The following CSMD1 variants were observed in gnomAD, a reference collection of about 807,000 sequenced individuals.
The protein encoded by CSMD1 is CUB and Sushi multiple domains 1.
In CSMD1, 213 loss-of-function variants were observed where a neutral mutation model predicts 417.5. The ratio of observed to expected loss-of-function variants is 0.51; its 90% CI spans 0.46 to 0.57. The LOEUF is 0.57. Among genes scored for constraint, CSMD1 ranks in the 20% least tolerant of loss-of-function variants. The pLI is 0.00. For missense variants in CSMD1, 6,923 were observed against 4,529.7 expected, an observed-to-expected ratio of 1.53 and a Z score of -15.17; for synonymous variants, 2,862 against 1,736.8, an observed-to-expected ratio of 1.65 and a Z score of -16.11.
chr8:4,501,780 G>A (rs112163460), intron 2 of CSMD1, among the ~76,000 whole-genome samples: 19 of 152,118 alleles, frequency 1.2e-4, no homozygotes, highest in African/African-American at 3.6e-4. Context: ...TCAAGTTGTC[G>A]TTATTTGACT....
chr8:4,212,196 T>A (rs1176908261), intron 3 of CSMD1, among the ~76,000 whole-genome samples: 2 of 147,274 alleles, frequency 1.4e-5, no homozygotes, highest in African/African-American at 2.6e-5. Context: ...ATATATATAT[T>A]ATTTTCTCTC....
intron 5 of CSMD1, among the ~76,000 whole-genome samples, chr8:3,783,465 G>T (rs890215381): frequency 6.6e-6 from 1 of 152,172 alleles, no homozygotes; most frequent in Non-Finnish European, 1.5e-5. Flanking sequence ...CAGAAGCATT[G>T]GCGGGCTGTG....
intron 3 of CSMD1, among the ~76,000 whole-genome samples, chr8:4,337,581 T>C (rs1301320960): frequency 6.6e-6 from 1 of 152,174 alleles, no homozygotes; most frequent in Non-Finnish European, 1.5e-5. Flanking sequence ...ATATCAATTC[T>C]TCAAACTCAA....
chr8:4,813,465 C>A (rs962972724), intron 1 of CSMD1, among the ~76,000 whole-genome samples: 4 of 152,084 alleles, frequency 2.6e-5, no homozygotes, highest in African/African-American at 9.7e-5. Flanking sequence ...TACAACAGAA[C>A]GTATCAAAAA....
intron 54 of CSMD1, among the ~76,000 whole-genome samples, chr8:2,983,449 G>C (rs1304248228): frequency 2.0e-5 from 3 of 152,164 alleles, no homozygotes; most frequent in African/African-American, 7.2e-5. Context: ...GCCTCCCAAA[G>C]TGCCGGGATT....
intron 1 of CSMD1, among the ~76,000 whole-genome samples, chr8:4,709,209 C>A (rs1313802443): frequency 6.6e-6 from 1 of 152,062 alleles, no homozygotes; most frequent in Non-Finnish European, 1.5e-5. Context: ...AGGAATTCCT[C>A]GATGGTAGAA....
intron 5 of CSMD1, among the ~76,000 whole-genome samples, chr8:3,875,533 G>C (rs1437195355): frequency 6.6e-6 from 1 of 152,114 alleles, no homozygotes; most frequent in African/African-American, 2.4e-5. Flanking sequence ...CAGCCGGCAT[G>C]GAAGAAGGAA....
intron 2 of CSMD1, among the ~76,000 whole-genome samples, chr8:4,498,724 G>A (rs1369717172): frequency 6.6e-6 from 1 of 152,150 alleles, no homozygotes; most frequent in Admixed American, 6.6e-5. Flanking sequence ...CCCTCTGAAT[G>A]CATCAACTGT....
intron 7 of CSMD1, among the ~76,000 whole-genome samples, chr8:3,634,132 G>T (rs756727428): frequency 6.6e-6 from 1 of 152,204 alleles, no homozygotes; most frequent in South Asian, 2.1e-4. Flanking sequence ...CTGATGCTGG[G>T]AAGTAGCCTC....
chr8:3,368,530 G>A (rs13249109), intron 19 of CSMD1, among the ~76,000 whole-genome samples: 12,854 of 152,056 alleles, frequency 0.085, 567 homozygotes, highest in Middle Eastern at 0.13. Flanking sequence ...GTAGAGACAA[G>A]GTTCCACCAT....
At chr8:4,477,243 G>A (rs866303575) in intron 2 of CSMD1, among the ~76,000 whole-genome samples, 4 of 152,196 alleles carry the variant, frequency 2.6e-5, no homozygotes, top group African/African-American at 9.6e-5. Flanking sequence ...GCTACCTAGG[G>A]CTAGAGCCAC....
At chr8:3,567,962 A>C (rs1799785428) in intron 10 of CSMD1, among the ~76,000 whole-genome samples, 2 of 152,156 alleles carry the variant, frequency 1.3e-5, no homozygotes, top group Non-Finnish European at 2.9e-5. Context: ...CCCACCAATG[A>C]CTGTGCAGGC....
intron 1 of CSMD1, among the ~76,000 whole-genome samples, chr8:4,874,236 G>A (rs777050438): frequency 2.8e-4 from 43 of 152,128 alleles, no homozygotes; most frequent in Admixed American, 2.6e-3. Context: ...ATAATTGGCC[G>A]TGGTTTTCAT....
At chr8:4,428,003 A>G (rs563564681) in intron 2 of CSMD1, among the ~76,000 whole-genome samples, 2 of 152,306 alleles carry the variant, frequency 1.3e-5, no homozygotes, top group South Asian at 4.1e-4. Flanking sequence ...TAGTAAAGAT[A>G]TTCCAAGTAG....
intron 3 of CSMD1, among the ~76,000 whole-genome samples, chr8:4,043,004 C>A (rs1354592820): frequency 1.3e-5 from 2 of 151,700 alleles, no homozygotes; most frequent in Non-Finnish European, 2.9e-5. Flanking sequence ...TGGTGACTTG[C>A]ACCTGTAGTC....
chr8:4,249,454 G>A (rs1424466924), intron 3 of CSMD1, among the ~76,000 whole-genome samples: 1 of 152,166 alleles, frequency 6.6e-6, no homozygotes, highest in African/African-American at 2.4e-5. Flanking sequence ...CAACCATGGA[G>A]ACAGTGCGTG....
chr8:3,641,595 A>G (rs999286849), intron 7 of CSMD1, among the ~76,000 whole-genome samples: 1 of 152,178 alleles, frequency 6.6e-6, no homozygotes, highest in Non-Finnish European at 1.5e-5. Context: ...TATGCTTCTT[A>G]TGTCTCAAGA....
At chr8:4,480,305 T>G (rs138945436) in intron 2 of CSMD1, among the ~76,000 whole-genome samples, 190 of 152,284 alleles carry the variant, frequency 1.2e-3, no homozygotes, top group Non-Finnish European at 2.2e-3. Flanking sequence ...CACAAATCAC[T>G]TAACCTGTGT....
intron 3 of CSMD1, among the ~76,000 whole-genome samples, chr8:4,377,362 G>T (rs1273029768): frequency 6.6e-6 from 1 of 152,100 alleles, no homozygotes; most frequent in Non-Finnish European, 1.5e-5. Flanking sequence ...GGCTTTTAAT[G>T]GTTTGCTTCC....
Sources: gnomAD v4.1 joint callset for allele counts (sites outside exome capture counted in the v4.1 genomes callset) on GRCh38, gnomAD v4.1.1 for gene constraint, MANE v1.5 for transcripts, NCBI Gene and HGNC (gene_info 2026-07-23, HGNC 2026-07-21) for gene names.